EFNA5: variants seen among roughly 807,000 people sequenced by gnomAD.
The protein encoded by EFNA5 is ephrin-A5.
EFNA5 carries 5 observed loss-of-function variants against 22.9 expected under a neutral mutation model. The ratio of observed to expected loss-of-function variants is 0.22; its 90% CI spans 0.11 to 0.46. The LOEUF (loss-of-function observed/expected upper bound fraction) is 0.46. Among genes scored for constraint, EFNA5 ranks in the 20% least tolerant of loss-of-function variants. The probability of loss-of-function intolerance (pLI) is 0.99; values close to 1 mark genes in which losing one functional copy is unlikely to be tolerated. For missense variants in EFNA5, 237 were observed against 293.3 expected (o/e 0.81, Z 1.40); for synonymous variants, 113 against 112.2 (o/e 1.01, Z -0.04).
intron 1 of EFNA5, among the ~76,000 whole-genome samples, chr5:107,659,549 C>CTA (rs1254146775): frequency 8.1e-6 from 1 of 123,122 alleles, no homozygotes; most frequent in Non-Finnish European, 1.6e-5. Flanking sequence ...TTCCATAGGT[C>CTA]TACAGGCCCA....
chr5:107,621,754 T>C (rs1296974405), intron 1 of EFNA5, among the ~76,000 whole-genome samples: 1 of 152,062 alleles, frequency 6.6e-6, no homozygotes, highest in African/African-American at 2.4e-5. Context: ...TAAATAATAA[T>C]GGATAAAATA....
chr5:107,498,475 GC>G (rs1747045202), intron 1 of EFNA5, among the ~76,000 whole-genome samples: 1 of 152,172 alleles, frequency 6.6e-6, no homozygotes, highest in East Asian at 1.9e-4. Flanking sequence ...CTCCCCTGGA[GC>G]TTCCCTGGAC....
At chr5:107,534,530 T>A (rs1580517124) in intron 1 of EFNA5, among the ~76,000 whole-genome samples, 1 of 152,216 alleles carries the variant, frequency 6.6e-6, no homozygotes, top group African/African-American at 2.4e-5. Flanking sequence ...CTCAGCACAA[T>A]TTTTCCCTTT....
intron 4 of EFNA5, among the ~76,000 whole-genome samples, chr5:107,386,977 GA>G (rs1337639508): frequency 6.6e-6 from 1 of 152,144 alleles, no homozygotes; most frequent in Non-Finnish European, 1.5e-5. Flanking sequence ...TTAGCATTCC[GA>G]TGGGGCTTCT....
chr5:107,410,098 G>C (rs114839070), intron 2 of EFNA5, among the ~76,000 whole-genome samples: 2 of 139,534 alleles, frequency 1.4e-5, no homozygotes, highest in African/African-American at 5.3e-5. Context: ...GCGCGATCTC[G>C]GTTCATGCAA....
chr5:107,463,258 T>C (rs1038252056), intron 1 of EFNA5, among the ~76,000 whole-genome samples: 1 of 152,160 alleles, frequency 6.6e-6, no homozygotes, highest in Non-Finnish European at 1.5e-5. Flanking sequence ...CAATGAAATA[T>C]ATAGAATAAT....
intron 1 of EFNA5, among the ~76,000 whole-genome samples, chr5:107,642,067 G>A (rs1561457616): frequency 6.6e-6 from 1 of 152,188 alleles, no homozygotes; most frequent in Non-Finnish European, 1.5e-5. Context: ...GGCATTTTAA[G>A]AGACACCCTC....
At chr5:107,406,074 A>AAT (rs1212356377) in intron 2 of EFNA5, among the ~76,000 whole-genome samples, 2 of 112,052 alleles carry the variant, frequency 1.8e-5, no homozygotes, top group East Asian at 4.3e-4. Flanking sequence ...ATATACATAG[A>AAT]ATGTATACAA....
intron 1 of EFNA5, among the ~76,000 whole-genome samples, chr5:107,557,872 T>C (rs1748457250): frequency 6.6e-6 from 1 of 152,148 alleles, no homozygotes; most frequent in Admixed American, 6.5e-5. Flanking sequence ...AGTGGAGCGG[T>C]TCACAGCATA....
rs909547820 is a variant in EFNA5, at chr5:107,670,725, T to C, written c.-112A>G. 4 of 1,435,842 alleles carry C rather than the reference T, an allele frequency of 2.8e-6. No homozygotes were observed. The highest frequency in any genetic ancestry group is 1.5e-5 in the African/African-American group (1 of 68,670). The allele number at this position is 1,435,842 out of a possible 1,614,324, so 88.9% of individuals were successfully genotyped here. A position where few individuals can be genotyped will look rare whatever the true frequency, so the allele number is the denominator to read the frequency against. ...AGAGAGAGCGGGCGCCAAATAAATA[T>C]GAATAAATAAAAATGAAAGTGGGCG... is the stretch of plus-strand genomic sequence containing the variant. On this transcript the variant is annotated 5_prime_UTR_variant, in exon 1 of 5. Transcript: ENST00000333274.
At chr5:107,528,634 T>G (rs1432240197) in intron 1 of EFNA5, among the ~76,000 whole-genome samples, 1 of 152,200 alleles carries the variant, frequency 6.6e-6, no homozygotes, top group South Asian at 2.1e-4. Context: ...ATTTTCTCTC[T>G]GGATTTTTTC....
chr5:107,602,112 T>C (rs1334192135), intron 1 of EFNA5, among the ~76,000 whole-genome samples: 1 of 152,226 alleles, frequency 6.6e-6, no homozygotes, highest in Non-Finnish European at 1.5e-5. Flanking sequence ...TGGTGATTTA[T>C]GATCACAGAA....
chr5:107,465,762 C>T lies in EFNA5; in HGVS notation c.126-38253G>A, dbSNP rs183381814. On this transcript the variant is annotated intron_variant, in intron 1 of 4. Coordinates refer to ENST00000333274, the MANE Select transcript of EFNA5 (RefSeq NM_001962.3). ...TGTTCCCTCATTTTAAATGTACTGC[C>T]ATGGTGTCTTAGTATATCACGAGGG... Among the ~76,000 whole-genome samples, 213 of 152,112 alleles carry T rather than the reference C, an allele frequency of 1.4e-3. 2 individuals are homozygous for T. Among genetic ancestry groups the T allele is most frequent in the Admixed American group, 3.7e-3 (56 of 15,238 alleles).
At chr5:107,535,840 T>C (rs905046010) in intron 1 of EFNA5, among the ~76,000 whole-genome samples, 13 of 152,240 alleles carry the variant, frequency 8.5e-5, no homozygotes, top group Non-Finnish European at 1.3e-4. Flanking sequence ...ATCAATACTG[T>C]GTGCAGGGTT....
chr5:107,533,674 A>G (rs1417303020), intron 1 of EFNA5, among the ~76,000 whole-genome samples: 2 of 152,226 alleles, frequency 1.3e-5, no homozygotes, highest in Non-Finnish European at 2.9e-5. Flanking sequence ...ACATCCATCA[A>G]GAATTCTCCT....
chr5:107,591,206 C>T (rs980523498), intron 1 of EFNA5, among the ~76,000 whole-genome samples: 1 of 152,136 alleles, frequency 6.6e-6, no homozygotes, highest in Non-Finnish European at 1.5e-5. Flanking sequence ...ACGGCTGGCA[C>T]ATAATGTTTT....
intron 1 of EFNA5, among the ~76,000 whole-genome samples, chr5:107,612,811 G>C (rs1205727215): frequency 6.6e-6 from 1 of 152,122 alleles, no homozygotes; most frequent in East Asian, 1.9e-4. Context: ...GTCACTATGA[G>C]AATACATTTT....
At chr5:107,462,953 CAGG>C (rs770829761) in intron 1 of EFNA5, among the ~76,000 whole-genome samples, 2 of 152,196 alleles carry the variant, frequency 1.3e-5, no homozygotes, top group Non-Finnish European at 2.9e-5. Flanking sequence ...TGCTAGTGGG[CAGG>C]AGATGTGGGT....
At chr5:107,460,385 AG>A (rs1749803892) in intron 1 of EFNA5, among the ~76,000 whole-genome samples, 1 of 152,162 alleles carries the variant, frequency 6.6e-6, no homozygotes, top group Admixed American at 6.5e-5. Context: ...TCTGCTCATA[AG>A]GGACCATGAA....
Sources: allele counts gnomAD v4.1 joint callset (sites outside exome capture counted in the v4.1 genomes callset), GRCh38; gene constraint gnomAD v4.1.1; transcripts MANE v1.5; gene names NCBI Gene and HGNC (gene_info 2026-07-23, HGNC 2026-07-21).